MBNL2: variants seen among roughly 807,000 people sequenced by gnomAD.
MBNL2 encodes muscleblind like splicing regulator 2.
In MBNL2, 17 loss-of-function variants were observed where a neutral mutation model predicts 41.9. The ratio of observed to expected loss-of-function variants is 0.41; its 90% CI spans 0.28 to 0.61. The LOEUF (loss-of-function observed/expected upper bound fraction) is 0.61. Ranked by LOEUF, MBNL2 falls within the 20% of genes least tolerant of loss-of-function variation. The pLI is 0.35. For missense variants in MBNL2, 336 were observed against 505.6 expected, an observed-to-expected ratio of 0.66 and a Z score of 3.22; for synonymous variants, 195 against 182.9, an observed-to-expected ratio of 1.07 and a Z score of -0.53.
chr13:97,342,833 T>G (rs2061541039), intron 3 of MBNL2, among the ~76,000 whole-genome samples, 183 bp from the exon 4 acceptor site: 1 of 152,216 alleles, frequency 6.6e-6, no homozygotes, highest in Non-Finnish European at 1.5e-5. Context: ...TTCTCTCATA[T>G]TTCTGTATGG....
upstream of MBNL2, among the ~76,000 whole-genome samples, chr13:97,220,469 C>T (rs2040759051): frequency 1.3e-5 from 2 of 152,134 alleles, no homozygotes; most frequent in African/African-American, 4.8e-5. Flanking sequence ...AAGCATGACT[C>T]CATCAGGAAG....
chr13:97,201,265 C>T, the MBNL2 span, among the ~76,000 whole-genome samples: 439 of 152,296 alleles, frequency 2.9e-3, no homozygotes, highest in Non-Finnish European at 5.2e-3. Context: ...CTGTCTGATT[C>T]GCATTCCCGT....
At chr13:97,150,380 G>T in the MBNL2 span, among the ~76,000 whole-genome samples, 74 of 152,270 alleles carry the variant, frequency 4.9e-4, 1 homozygote, top group African/African-American at 1.7e-3. Flanking sequence ...ACATTCTAAC[G>T]AGTTTTTAGA....
the MBNL2 span, among the ~76,000 whole-genome samples, chr13:97,166,389 A>T: frequency 3.3e-5 from 5 of 152,158 alleles, no homozygotes; most frequent in African/African-American, 4.8e-5. Context: ...GAGTGAGAAG[A>T]CACATGTGAT....
intron 1 of MBNL2, among the ~76,000 whole-genome samples, chr13:97,251,691 T>C (rs2046536916): frequency 6.6e-6 from 1 of 152,164 alleles, no homozygotes; most frequent in Non-Finnish European, 1.5e-5. Flanking sequence ...ATTAGATCAA[T>C]TGGTGAATCG....
At chr13:97,149,586 C>G in the MBNL2 span, among the ~76,000 whole-genome samples, 2 of 152,088 alleles carry the variant, frequency 1.3e-5, no homozygotes, top group African/African-American at 4.8e-5. Context: ...TCCTTTTTTA[C>G]CTACTTTTAC....
chr13:97,252,786 A>C (rs1182560098), intron 1 of MBNL2, among the ~76,000 whole-genome samples: 2 of 152,088 alleles, frequency 1.3e-5, no homozygotes, highest in African/African-American at 4.8e-5. Flanking sequence ...ATTCTCTTGA[A>C]TTTTCTGGCT....
At chr13:97,314,911 T>C (rs1174187653) in intron 2 of MBNL2, among the ~76,000 whole-genome samples, 1 of 152,220 alleles carries the variant, frequency 6.6e-6, no homozygotes, top group East Asian at 1.9e-4. Context: ...GCTCACTCAA[T>C]ATGTAAAATA....
intron 2 of MBNL2, among the ~76,000 whole-genome samples, chr13:97,322,705 C>T (rs1204551223): frequency 6.6e-6 from 1 of 152,156 alleles, no homozygotes; most frequent in Non-Finnish European, 1.5e-5. Flanking sequence ...AGTCTTCCTT[C>T]CCCTCCAGCC....
chr13:97,290,291 G>A (rs867086134), intron 2 of MBNL2, among the ~76,000 whole-genome samples: 4 of 151,832 alleles, frequency 2.6e-5, no homozygotes, highest in Admixed American at 2.0e-4. Context: ...TGGGCACACC[G>A]CTGGAAATAC....
At chr13:97,218,316 A>T (rs976763621), upstream of MBNL2, among the ~76,000 whole-genome samples, 1 of 151,950 alleles carries the variant, frequency 6.6e-6, no homozygotes, top group African/African-American at 2.4e-5. Flanking sequence ...AGACTGAAGC[A>T]GGAGAATGGC....
In MBNL2 at chr13:97,313,925, T is replaced by C. The variant is rs145721903; in HGVS notation, c.175-20351T>C. 1.3e-3 allele frequency among the ~76,000 whole-genome samples: 200 copies of C among 152,348 alleles called. 1 individual carries two copies. The highest frequency in any genetic ancestry group is 4.4e-3 in the African/African-American group (182 of 41,586). ...TTTAGCAATTGGGAGTTTGACATAA[T>C]GCACTTTCTCATAATTTATTAAAGT... On this transcript the variant is annotated intron_variant, in intron 2 of 8. Transcript: ENST00000679496.
At chr13:97,206,740 ATAC>A in the MBNL2 span, among the ~76,000 whole-genome samples, 841 of 152,282 alleles carry the variant, frequency 5.5e-3, 10 homozygotes, top group African/African-American at 0.019. Flanking sequence ...AATAATGATA[ATAC>A]TAATAACATA....
chr13:97,345,626 A>G (rs1261578220), intron 4 of MBNL2, among the ~76,000 whole-genome samples: 1 of 152,014 alleles, frequency 6.6e-6, no homozygotes, highest in East Asian at 1.9e-4. Context: ...TGTGCTGTCA[A>G]AAATAGTATA....
the MBNL2 span, among the ~76,000 whole-genome samples, chr13:97,151,264 A>C: frequency 6.6e-6 from 1 of 152,182 alleles, no homozygotes; most frequent in African/African-American, 2.4e-5. Context: ...GGGGGCTGCA[A>C]ATAGGGGATG....
At chr13:97,182,090 G>A in the MBNL2 span, among the ~76,000 whole-genome samples, 2 of 152,124 alleles carry the variant, frequency 1.3e-5, no homozygotes, top group African/African-American at 4.8e-5. Context: ...GAGGGTTAGT[G>A]TTTAGGATGA....
At chr13:97,247,838 C>G (rs60927341) in intron 1 of MBNL2, among the ~76,000 whole-genome samples, 1,957 of 152,188 alleles carry the variant, frequency 0.013, 53 homozygotes, top group African/African-American at 0.043. Flanking sequence ...AATTTTACCC[C>G]AAAATATAGG....
intron 2 of MBNL2, among the ~76,000 whole-genome samples, chr13:97,313,244 G>A (rs1057306840): frequency 2.0e-5 from 3 of 152,178 alleles, no homozygotes; most frequent in Admixed American, 2.0e-4. Context: ...GGTCCAAGGT[G>A]TTAACTCTAA....
At chr13:97,209,437 G>T in the MBNL2 span, among the ~76,000 whole-genome samples, 3,895 of 152,286 alleles carry the variant, frequency 0.026, 152 homozygotes, top group African/African-American at 0.089. Flanking sequence ...TACTTGTAAA[G>T]TGAAGGTAAA....
Sources: allele counts gnomAD v4.1 joint callset (sites outside exome capture counted in the v4.1 genomes callset), GRCh38; gene constraint gnomAD v4.1.1; transcripts MANE v1.5; gene names NCBI Gene and HGNC (gene_info 2026-07-23, HGNC 2026-07-21).